NRXN3: variants seen among roughly 807,000 people sequenced by gnomAD.
NRXN3 encodes neurexin III.
Under a neutral mutation model 137.6 loss-of-function variants are expected in NRXN3, and 32 were observed. The observed-to-expected ratio is 0.23, with a 90% CI of 0.18 to 0.31. The LOEUF (loss-of-function observed/expected upper bound fraction) is 0.31, where lower values mean the gene tolerates loss of function less well. Ranked by LOEUF, NRXN3 falls within the 10% of genes least tolerant of loss-of-function variation. The probability of loss-of-function intolerance (pLI) is 1.00; values close to 1 mark genes in which losing one functional copy is unlikely to be tolerated. For synonymous variants in NRXN3, 798 were observed against 784.5 expected (o/e 1.02, Z -0.29); for missense variants, 1,574 against 2,062.5 (o/e 0.76, Z 4.59).
chr14:79,310,289 T>C (rs1368478807), intron 15 of NRXN3, among the ~76,000 whole-genome samples: 1 of 115,478 alleles, frequency 8.7e-6, no homozygotes, highest in Admixed American at 9.1e-5. Flanking sequence ...TCCATTGATC[T>C]ATATCTCTGT....
intron 8 of NRXN3, among the ~76,000 whole-genome samples, chr14:78,726,074 G>T (rs2098481929): frequency 6.6e-6 from 1 of 152,086 alleles, no homozygotes; most frequent in Non-Finnish European, 1.5e-5. Context: ...CAGTAACAAG[G>T]ATTCTCACCT....
At chr14:78,419,703 C>A (rs1242197888) in intron 4 of NRXN3, among the ~76,000 whole-genome samples, 1 of 152,060 alleles carries the variant, frequency 6.6e-6, no homozygotes, top group Non-Finnish European at 1.5e-5. Context: ...ACTTGAAAAA[C>A]AGTAGTGGTA....
intron 16 of NRXN3, among the ~76,000 whole-genome samples, chr14:79,502,708 T>C (rs1259773511): frequency 2.0e-5 from 3 of 152,114 alleles, no homozygotes; most frequent in Non-Finnish European, 4.4e-5. Flanking sequence ...TGGTTTCTAA[T>C]GTTTTACCCA....
At chr14:78,186,570 G>A (rs1173905301) in intron 1 of NRXN3, among the ~76,000 whole-genome samples, 1 of 152,232 alleles carries the variant, frequency 6.6e-6, no homozygotes, top group Non-Finnish European at 1.5e-5. Flanking sequence ...ATGCGCTCTG[G>A]ACTATGTTTG....
At chr14:78,999,295 CT>C (rs201244186) in intron 15 of NRXN3, among the ~76,000 whole-genome samples, 3,374 of 152,210 alleles carry the variant, frequency 0.022, 106 homozygotes, top group African/African-American at 0.062. Flanking sequence ...TAAAAGCTCA[CT>C]GCTGAAAATG....
At chr14:79,189,281 A>G (rs1391855836) in intron 15 of NRXN3, among the ~76,000 whole-genome samples, 2 of 151,682 alleles carry the variant, frequency 1.3e-5, no homozygotes, top group Non-Finnish European at 2.9e-5. Context: ...GTAAACTATC[A>G]CAAGAACAAA....
intron 4 of NRXN3, among the ~76,000 whole-genome samples, chr14:78,298,417 T>C (rs901159157): frequency 1.6e-4 from 24 of 152,224 alleles, no homozygotes; most frequent in Admixed American, 3.9e-4. Flanking sequence ...AACATGCTAA[T>C]GTCCTCATGG....
intron 1 of NRXN3, among the ~76,000 whole-genome samples, chr14:78,194,775 T>G (rs1566944989): frequency 6.6e-6 from 1 of 152,168 alleles, no homozygotes. Flanking sequence ...AGAGTAGATA[T>G]CTCAGTCTTG....
intron 9 of NRXN3, among the ~76,000 whole-genome samples, chr14:78,804,521 C>T (rs749753084): frequency 1.6e-4 from 25 of 152,142 alleles, no homozygotes; most frequent in Non-Finnish European, 3.1e-4. Context: ...AGATTGTTAC[C>T]TTGTACTATC....
At chr14:79,140,584 T>A (rs948297294) in intron 15 of NRXN3, among the ~76,000 whole-genome samples, 6 of 151,458 alleles carry the variant, frequency 4.0e-5, no homozygotes, top group African/African-American at 1.5e-4. Flanking sequence ...TGTGTGTGTG[T>A]GTGTGTGTGT....
chr14:78,447,831 A>G (rs1342848637), intron 4 of NRXN3, among the ~76,000 whole-genome samples: 1 of 152,212 alleles, frequency 6.6e-6, no homozygotes, highest in Non-Finnish European at 1.5e-5. Flanking sequence ...ACCTTTCTTC[A>G]TCTGTGAAAT....
intron 15 of NRXN3, among the ~76,000 whole-genome samples, chr14:79,212,942 C>G (rs1444021938): frequency 6.6e-6 from 1 of 151,868 alleles, no homozygotes; most frequent in South Asian, 2.1e-4. Flanking sequence ...GGATAGATTA[C>G]TTTCATTGCA....
chr14:79,520,191 A>G (rs1172625362), intron 16 of NRXN3, among the ~76,000 whole-genome samples: 2 of 152,158 alleles, frequency 1.3e-5, no homozygotes, highest in Non-Finnish European at 2.9e-5. Flanking sequence ...CTCTGATTTT[A>G]AGATCCCTAT....
intron 4 of NRXN3, among the ~76,000 whole-genome samples, chr14:78,298,310 A>C (rs1193961665): frequency 1.3e-5 from 2 of 152,124 alleles, no homozygotes; most frequent in Middle Eastern, 3.2e-3. Context: ...CTTCCCCTCC[A>C]TTACACTGCC....
intron 16 of NRXN3, chr14:79,661,910 A>G (rs1452163006): frequency 6.6e-6 from 1 of 152,158 alleles, no homozygotes; most frequent in African/African-American, 2.4e-5. Context: ...ATCTTGAATT[A>G]TAGTTCCCAT....
At chr14:78,492,842 AAAG>A (rs1272901133) in intron 4 of NRXN3, among the ~76,000 whole-genome samples, 1 of 152,232 alleles carries the variant, frequency 6.6e-6, no homozygotes, top group African/African-American at 2.4e-5. Flanking sequence ...TTATAATGGC[AAAG>A]AAGAATATCA....
chr14:78,534,190 A>G (rs1317136610), intron 4 of NRXN3, among the ~76,000 whole-genome samples: 1 of 152,238 alleles, frequency 6.6e-6, no homozygotes, highest in Non-Finnish European at 1.5e-5. Flanking sequence ...GGAGATAATG[A>G]GGCAACATGG....
intron 10 of NRXN3, among the ~76,000 whole-genome samples, chr14:78,827,523 C>T (rs186956372): frequency 5.3e-5 from 8 of 152,180 alleles, no homozygotes; most frequent in East Asian, 1.9e-4. Flanking sequence ...ATATTTTGAA[C>T]GGAATAAGAG....
At chr14:79,133,623 T>C (rs565281519) in intron 15 of NRXN3, among the ~76,000 whole-genome samples, 2 of 152,298 alleles carry the variant, frequency 1.3e-5, no homozygotes, top group East Asian at 1.9e-4. Flanking sequence ...GATTGGTTTA[T>C]ATTAGAAACT....
Sources: allele counts gnomAD v4.1 joint callset (sites outside exome capture counted in the v4.1 genomes callset), GRCh38; gene constraint gnomAD v4.1.1; transcripts MANE v1.5; gene names NCBI Gene and HGNC (gene_info 2026-07-23, HGNC 2026-07-21).